ANKIB1: variants seen among roughly 807,000 people sequenced by gnomAD.
ANKIB1 encodes ankyrin repeat and IBR domain-containing protein 1.
In ANKIB1, 43 loss-of-function variants were observed where a neutral mutation model predicts 122.1. The ratio of observed to expected loss-of-function variants is 0.35; its 90% CI spans 0.28 to 0.45. The LOEUF is 0.45. Ranked by LOEUF, ANKIB1 falls within the 20% of genes least tolerant of loss-of-function variation. The probability of loss-of-function intolerance (pLI) is 1.00; values close to 1 mark genes in which losing one functional copy is unlikely to be tolerated. For synonymous variants in ANKIB1, 390 were observed against 442.0 expected (o/e 0.88, Z 1.48); for missense variants, 992 against 1,329.5 (o/e 0.75, Z 3.95).
chr7:92,321,011 C>T (rs1268051827), intron 4 of ANKIB1, among the ~76,000 whole-genome samples: 2 of 152,050 alleles, frequency 1.3e-5, no homozygotes, highest in Non-Finnish European at 2.9e-5. Context: ...TTGTTCTTTC[C>T]TATGTCTGAA....
chr7:92,398,114 T>A, intron 19 of ANKIB1, 98 bp from the exon 20 acceptor site: 2 of 1,285,926 alleles, frequency 1.6e-6, no homozygotes, highest in Non-Finnish European at 2.1e-6. Flanking sequence ...TAAATAAAAT[T>A]AATAATCTGT....
intron 4 of ANKIB1, among the ~76,000 whole-genome samples, chr7:92,324,388 C>T (rs969969953): frequency 6.6e-6 from 1 of 152,124 alleles, no homozygotes; most frequent in East Asian, 1.9e-4. Flanking sequence ...CGCCCACTGC[C>T]ACACCTGGCT....
chr7:92,358,605 T>TC (rs1554345740), intron 9 of ANKIB1, among the ~76,000 whole-genome samples: 3 of 150,814 alleles, frequency 2.0e-5, no homozygotes, highest in Non-Finnish European at 3.0e-5. Context: ...TTTTTTTTTT[T>TC]CCCAGAACAT....
chr7:92,340,720 T>C (rs1197687306), intron 5 of ANKIB1, among the ~76,000 whole-genome samples: 1 of 152,198 alleles, frequency 6.6e-6, no homozygotes, highest in Non-Finnish European at 1.5e-5. Flanking sequence ...AATTTTGATT[T>C]GGAAACAATA....
chr7:92,389,956 T>C lies in ANKIB1; in HGVS notation c.1907-15T>C, dbSNP rs1585140373. The C allele has an allele frequency of 6.3e-7, 1 of 1,575,874 alleles. No individual in the cohort carries two copies. Among genetic ancestry groups the C allele is most frequent in the Non-Finnish European group, 8.6e-7 (1 of 1,168,502 alleles). On this transcript the variant is annotated splice_polypyrimidine_tract_variant and intron_variant, in intron 14 of 19. Coordinates refer to ENST00000265742, the MANE Select transcript of ANKIB1 (RefSeq NM_019004.2). ...TTTGCAAAAACAAATTCACTGTGCC[T>C]CAATTACTTTTTAGCTGAAGGAGGC...
At chr7:92,287,593 T>TA (rs547439059) in intron 1 of ANKIB1, among the ~76,000 whole-genome samples, 199 of 152,340 alleles carry the variant, frequency 1.3e-3, no homozygotes, top group African/African-American at 4.5e-3. Flanking sequence ...TACTGTTTTT[T>TA]ACATTCTAAT....
In ANKIB1 at chr7:92,293,868, A is replaced by G. The variant is rs11974646; in HGVS notation, c.-90-1021A>G. 7.2e-3 allele frequency among the ~76,000 whole-genome samples: 1,091 copies of G among 152,254 alleles called. 11 individuals are homozygous for G. The highest frequency in any genetic ancestry group is 0.025 in the African/African-American group (1,039 of 41,534). ...AATTTTCATCATAGCTCAAGAATAGATCCAGAAACAACGTTTATTGGAATA... is the reference window on the plus strand; with the variant it reads ...AATTTTCATCATAGCTCAAGAATAGGTCCAGAAACAACGTTTATTGGAATA... On this transcript the variant is annotated intron_variant, in intron 1 of 19. Coordinates refer to ENST00000265742, the MANE Select transcript of ANKIB1 (RefSeq NM_019004.2).
At chr7:92,291,243 G>A (rs1456134938) in intron 1 of ANKIB1, among the ~76,000 whole-genome samples, 2 of 150,984 alleles carry the variant, frequency 1.3e-5, no homozygotes, top group Admixed American at 6.6e-5. Flanking sequence ...GCAGTGAGCT[G>A]AGATCATATT....
At chr7:92,367,510 C>CA (rs925911405) in intron 10 of ANKIB1, among the ~76,000 whole-genome samples, 38 of 148,686 alleles carry the variant, frequency 2.6e-4, no homozygotes, top group African/African-American at 4.2e-4. Context: ...GCATTTTATG[C>CA]AAAAAAAAAT....
rs1428512150 is a variant in ANKIB1, at chr7:92,246,243, C to G, written c.-367C>G. 1 of 381,940 alleles carries G rather than the reference C, an allele frequency of 2.6e-6. No individual in the cohort carries two copies. Among genetic ancestry groups the G allele is most frequent in the Non-Finnish European group, 5.0e-6 (1 of 200,860 alleles). The allele number at this position is 381,940 out of a possible 1,614,324, so 23.7% of individuals were successfully genotyped here. On this transcript the variant is annotated 5_prime_UTR_variant, in exon 1 of 20. Transcript: ENST00000265742. ...CCCCCGAGTGAGGCGGCGCAGCGGC[C>G]GGAGAGGGATGGGGGGCGCCCACCC...
chr7:92,307,661 A>ATT lies in ANKIB1; in HGVS notation c.486+18_486+19dup, dbSNP rs59479934. 1.4e-4 allele frequency: 166 copies of ATT among 1,187,828 alleles called. No individual in the cohort carries two copies. Among genetic ancestry groups the ATT allele is most frequent in the Middle Eastern group, 4.2e-4 (2 of 4,768 alleles). The allele number at this position is 1,187,828 out of a possible 1,614,324, so 73.6% of individuals were successfully genotyped here. A position where few individuals can be genotyped will look rare whatever the true frequency, so the allele number is the denominator to read the frequency against. On this transcript the variant is annotated splice_donor_region_variant and intron_variant, in intron 3 of 19. Coordinates refer to ENST00000265742, the MANE Select transcript of ANKIB1 (RefSeq NM_019004.2). ...GGGATGAAAGCCTGTGTAGAGGTAAATTTTTTTTTTTTTTAATATTCTGCA... is the reference window on the plus strand; with the variant it reads ...GGGATGAAAGCCTGTGTAGAGGTAAATTTTTTTTTTTTTTTTAATATTCTGCA...
intron 7 of ANKIB1, among the ~76,000 whole-genome samples, chr7:92,345,997 C>A (rs139845849): frequency 3.6e-3 from 550 of 152,174 alleles, no homozygotes; most frequent in African/African-American, 0.012. Context: ...AAGCTTGAAA[C>A]CATCACCACA....
chr7:92,280,459 C>G (rs1033935209), intron 1 of ANKIB1, among the ~76,000 whole-genome samples: 5 of 151,200 alleles, frequency 3.3e-5, no homozygotes, highest in South Asian at 2.1e-4. Flanking sequence ...CACCCCCCCC[C>G]CCTTTTTTTC....
intron 2 of ANKIB1, among the ~76,000 whole-genome samples, chr7:92,306,233 C>T (rs534142636): frequency 1.3e-5 from 2 of 152,170 alleles, no homozygotes; most frequent in South Asian, 4.2e-4. Context: ...ACTATAATGG[C>T]TCCACTGAAC....
intron 11 of ANKIB1, among the ~76,000 whole-genome samples, chr7:92,381,984 A>G (rs1185204690): frequency 6.6e-6 from 1 of 152,180 alleles, no homozygotes; most frequent in Non-Finnish European, 1.5e-5. Context: ...AATGTGCTGT[A>G]TTCAGGAGAC....
intron 1 of ANKIB1, among the ~76,000 whole-genome samples, chr7:92,259,941 G>T (rs756758493): frequency 3.3e-5 from 5 of 152,022 alleles, no homozygotes; most frequent in Non-Finnish European, 7.4e-5. Context: ...CACCATCACT[G>T]CTACCTCCTG....
rs1804655283 is a variant in ANKIB1 at position 92,386,594 on chromosome 7, A to C, written c.1703A>C (p.Tyr568Ser). 1 of 1,605,416 alleles carries C rather than the reference A, an allele frequency of 6.2e-7. No individual in the cohort carries two copies. The highest frequency in any genetic ancestry group is 1.3e-5 in the African/African-American group (1 of 74,688). ...STGGYYRCTR[Y>S]EVIQHVEEQS... is the part of the protein sequence containing the mutation. ...GGAGGTTATTACAGATGTACTCGCTATGAAGTCATTCAACACGTGGAGGAG... is the reference window on the plus strand; with the variant it reads ...GGAGGTTATTACAGATGTACTCGCTCTGAAGTCATTCAACACGTGGAGGAG... Residue 568 changes from tyrosine to serine, a missense_variant, in exon 12 of 20, where the codon TAT becomes TCT. By Grantham distance (144) the Tyr-to-Ser change is moderately radical. Coordinates refer to ENST00000265742, the MANE Select transcript of ANKIB1 (RefSeq NM_019004.2).
At position 92,246,505 on chromosome 7, in the gene ANKIB1, G is replaced by C. The variant is rs773195534; in HGVS notation, c.-105G>C. 1.9e-6 allele frequency: 1 copy of C among 518,526 alleles called. No individual in the cohort carries two copies. Among genetic ancestry groups the C allele is most frequent in the Non-Finnish European group, 3.8e-6 (1 of 259,830 alleles). The allele number at this position is 518,526 out of a possible 1,614,324, so 32.1% of individuals were successfully genotyped here. ...CTGGGTCCACCGACCCTTACCCTCAGCGAGAGAAGTAACCGTAAGTCTCAG... is the reference window on the plus strand; with the variant it reads ...CTGGGTCCACCGACCCTTACCCTCACCGAGAGAAGTAACCGTAAGTCTCAG... On this transcript the variant is annotated 5_prime_UTR_variant, in exon 1 of 20. Transcript: ENST00000265742.
rs79951488 is a variant in ANKIB1 at position 92,303,744 on chromosome 7, T to G, written c.189-3615T>G. Among the ~76,000 whole-genome samples, 61 of 152,106 alleles carry G rather than the reference T, an allele frequency of 4.0e-4. No homozygotes were observed. In the East Asian group the frequency reaches 7.2e-3, roughly 18 times the overall value. ...AAATGAAGCAGTTGGTAATTTAAAG[T>G]TTAGAACAAAAATTAGGGACAATGA... is the stretch of plus-strand genomic sequence containing the variant. On this transcript the variant is annotated intron_variant, in intron 2 of 19. Transcript: ENST00000265742.
Sources: gnomAD v4.1 joint callset for allele counts (sites outside exome capture counted in the v4.1 genomes callset) on GRCh38, gnomAD v4.1.1 for gene constraint, MANE v1.5 for transcripts, NCBI Gene and HGNC (gene_info 2026-07-23, HGNC 2026-07-21) for gene names.